Variants in GRIN2A observed in about 807,000 individuals in gnomAD.
GRIN2A encodes glutamate ionotropic receptor NMDA type subunit 2A.
A neutral mutation model predicts 113.4 loss-of-function variants in GRIN2A; 22 were observed. The observed-to-expected ratio is 0.19, with a 90% CI of 0.14 to 0.28. The LOEUF (loss-of-function observed/expected upper bound fraction) is 0.28. Ranked by LOEUF, GRIN2A falls within the 10% of genes least tolerant of loss-of-function variation. The pLI, the probability that GRIN2A is intolerant of heterozygous loss-of-function variation, is 1.00. For synonymous variants in GRIN2A, 827 were observed against 738.4 expected, an observed-to-expected ratio of 1.12 and a Z score of -1.94; for missense variants, 1,502 against 1,887.0, an observed-to-expected ratio of 0.80 and a Z score of 3.78.
intron 3 of GRIN2A, among the ~76,000 whole-genome samples, chr16:9,894,495 CT>C (rs1326786293): frequency 2.0e-5 from 3 of 152,056 alleles, no homozygotes; most frequent in Non-Finnish European, 4.4e-5. Context: ...TGTTTCCTGG[CT>C]GGAGTTTGAT....
At chr16:9,770,371 T>G (rs1901193897) in intron 11 of GRIN2A, among the ~76,000 whole-genome samples, 1 of 152,306 alleles carries the variant, frequency 6.6e-6, no homozygotes, top group South Asian at 2.1e-4. Flanking sequence ...TCAAAATGAT[T>G]TAATATTGGT....
At chr16:9,847,637 C>T (rs1417293713) in intron 5 of GRIN2A, among the ~76,000 whole-genome samples, 2 of 148,426 alleles carry the variant, frequency 1.3e-5, no homozygotes, top group Non-Finnish European at 3.0e-5. Flanking sequence ...ATTTTTAACA[C>T]ATAAAAATAT....
At chr16:10,083,216 G>C (rs1326144163) in intron 2 of GRIN2A, among the ~76,000 whole-genome samples, 3 of 152,244 alleles carry the variant, frequency 2.0e-5, no homozygotes, top group Non-Finnish European at 4.4e-5. Context: ...ACAGGAGCTA[G>C]TTCTGGGTGT....
Position 9,764,120 on chromosome 16 carries a change from G to A in GRIN2A, c.3424C>T (p.Pro1142Ser), listed in dbSNP as rs1163517430. 5 of 1,613,594 alleles carry A rather than the reference G, an allele frequency of 3.1e-6. No homozygotes were observed. The highest frequency in any genetic ancestry group is 4.2e-6 in the Non-Finnish European group (5 of 1,179,696). ...PPQFVENVTL[P>S]ENVDFPDPYQ... is the part of the protein sequence containing the mutation. ...GGGTCCGGGAAGTCCACGTTCTCGG[G>A]CAGGGTCACATTTTCAACAAACTGG... is the stretch of plus-strand genomic sequence containing the variant. The change falls in exon 13 of 13, where the codon CCC becomes TCC. Residue 1142 changes from proline to serine, a missense_variant. By Grantham distance (74) the Pro-to-Ser change is moderately conservative (BLOSUM62 -1). Coordinates refer to ENST00000330684, the MANE Select transcript of GRIN2A (RefSeq NM_001134407.3).
At chr16:9,814,527 G>A (rs1489462609) in intron 10 of GRIN2A, among the ~76,000 whole-genome samples, 1 of 152,082 alleles carries the variant, frequency 6.6e-6, no homozygotes. Context: ...GTGTTCCAAA[G>A]GCACTTCCAA....
In GRIN2A at chr16:9,763,013, C is replaced by T; in HGVS notation, c.*136G>A. 3 of 811,802 alleles carry T rather than the reference C, an allele frequency of 3.7e-6. No homozygotes were observed. Among genetic ancestry groups the T allele is most frequent in the South Asian group, 3.4e-5 (2 of 58,244 alleles). 50.3% of individuals were successfully genotyped at this position (811,802 alleles called of 1,614,324 possible). ...GGCATGAAGCCGTGTGCAAAAGAGC[C>T]AACAACAACAACAACAAAATACCTC... is the stretch of plus-strand genomic sequence containing the variant. On this transcript the variant is annotated 3_prime_UTR_variant, in exon 13 of 13. Coordinates refer to ENST00000330684, the MANE Select transcript of GRIN2A (RefSeq NM_001134407.3).
intron 2 of GRIN2A, among the ~76,000 whole-genome samples, chr16:10,156,666 G>A (rs2142311051): frequency 6.6e-6 from 1 of 152,334 alleles, no homozygotes; most frequent in South Asian, 2.1e-4. Context: ...ATTGCTTCAA[G>A]CCTAAGAAAT....
At chr16:10,173,990 G>A (rs568813578) in intron 2 of GRIN2A, among the ~76,000 whole-genome samples, 1 of 152,252 alleles carries the variant, frequency 6.6e-6, no homozygotes, top group African/African-American at 2.4e-5. Context: ...AATAAGAAAA[G>A]AGAATCACAG....
At chr16:9,814,461 A>G (rs1299161331) in intron 10 of GRIN2A, among the ~76,000 whole-genome samples, 2 of 152,184 alleles carry the variant, frequency 1.3e-5, no homozygotes, top group Non-Finnish European at 2.9e-5. Context: ...TCAGGTCTGT[A>G]GCTCACTAAT....
intron 2 of GRIN2A, among the ~76,000 whole-genome samples, chr16:10,008,356 A>G (rs1036066311): frequency 6.6e-6 from 1 of 152,246 alleles, no homozygotes; most frequent in African/African-American, 2.4e-5. Context: ...ACAGATTAGC[A>G]TACAAAGAAT....
chr16:9,909,504 G>A (rs2044092750), intron 3 of GRIN2A, among the ~76,000 whole-genome samples: 1 of 152,216 alleles, frequency 6.6e-6, no homozygotes, highest in African/African-American at 2.4e-5. Context: ...TAGTGTGACT[G>A]AGGATATGAA....
intron 10 of GRIN2A, among the ~76,000 whole-genome samples, chr16:9,821,879 C>T (rs915893910): frequency 6.8e-4 from 103 of 152,180 alleles, no homozygotes; most frequent in African/African-American, 2.5e-3. Context: ...TAGCAAGCTA[C>T]TCCTCCCCAC....
At chr16:9,984,294 T>G (rs1179280143) in intron 2 of GRIN2A, among the ~76,000 whole-genome samples, 1 of 152,232 alleles carries the variant, frequency 6.6e-6, no homozygotes, top group Non-Finnish European at 1.5e-5. Flanking sequence ...TTGAGTAGTT[T>G]GCAAATATTT....
Position 9,918,286 on chromosome 16 carries a change from C to G in GRIN2A, c.1007+19673G>C, listed in dbSNP as rs8061879. Among the ~76,000 whole-genome samples, 161 of 152,266 alleles carry G rather than the reference C, an allele frequency of 1.1e-3. 1 individual carries two copies. In the Middle Eastern group the frequency reaches 0.014, roughly 13 times the overall value. ...ATCCACAGGGAATATGTTCCAAGAT[C>G]CCCAGTGGATGCCTGAAACTGCAGA... On this transcript the variant is annotated intron_variant, in intron 3 of 12. Coordinates refer to ENST00000330684, the MANE Select transcript of GRIN2A (RefSeq NM_001134407.3).
chr16:10,110,214 G>T lies in GRIN2A; in HGVS notation c.414+69784C>A, dbSNP rs938084714. The stretch of plus-strand genomic sequence containing the variant: ...GGCAAAGGGAGTGGCACACGCAGAG[G>T]CTACAGGGTAAGAAAGAGCTTGGCA... On this transcript the variant is annotated intron_variant, in intron 2 of 12. Coordinates refer to ENST00000330684, the MANE Select transcript of GRIN2A (RefSeq NM_001134407.3). Among the ~76,000 whole-genome samples the T allele has an allele frequency of 7.2e-5, 11 of 152,308 alleles. No individual in the cohort carries two copies. The Middle Eastern group carries it at 0.017, about 235-fold the overall frequency.
At chr16:9,801,538 T>C (rs571491017) in intron 10 of GRIN2A, among the ~76,000 whole-genome samples, 1 of 152,254 alleles carries the variant, frequency 6.6e-6, no homozygotes, top group East Asian at 1.9e-4. Flanking sequence ...TAAGTTGGTA[T>C]TTTATGGACA....
chr16:9,969,920 G>T (rs776818178), intron 2 of GRIN2A, among the ~76,000 whole-genome samples: 1 of 152,172 alleles, frequency 6.6e-6, no homozygotes, highest in Admixed American at 6.5e-5. Context: ...TCACAGGCAC[G>T]CCTACTCCCG....
intron 2 of GRIN2A, among the ~76,000 whole-genome samples, chr16:9,962,142 C>T (rs1596366072): frequency 6.6e-6 from 1 of 152,188 alleles, no homozygotes; most frequent in South Asian, 2.1e-4. Flanking sequence ...TATGTTAGAC[C>T]TAAAACGATA....
intron 2 of GRIN2A, among the ~76,000 whole-genome samples, chr16:10,026,575 T>C (rs550641995): frequency 1.9e-4 from 26 of 139,352 alleles, no homozygotes; most frequent in Non-Finnish European, 2.6e-4. Flanking sequence ...TAGGTTCATC[T>C]CTAACTCTCC....
Sources: allele counts gnomAD v4.1 joint callset (sites outside exome capture counted in the v4.1 genomes callset), GRCh38; gene constraint gnomAD v4.1.1; transcripts MANE v1.5; gene names NCBI Gene and HGNC (gene_info 2026-07-23, HGNC 2026-07-21).